Variants in KIAA1217 observed in about 807,000 individuals in gnomAD.
The protein encoded by KIAA1217 is KIAA1217, also known as sickle tail protein homolog.
KIAA1217 carries 88 observed loss-of-function variants against 163.9 expected under a neutral mutation model. The ratio of observed to expected loss-of-function variants is 0.54; its 90% CI spans 0.45 to 0.64. The LOEUF (loss-of-function observed/expected upper bound fraction) is 0.64. Ranked by LOEUF, KIAA1217 falls within the 30% of genes least tolerant of loss-of-function variation. The pLI, the probability that KIAA1217 is intolerant of heterozygous loss-of-function variation, is 0.00. For synonymous variants in KIAA1217, 903 were observed against 923.1 expected (o/e 0.98, Z 0.39); for missense variants, 2,372 against 2,475.0 (o/e 0.96, Z 0.88).
chr10:24,050,138 C>T (rs1166843640), intron 2 of KIAA1217, among the ~76,000 whole-genome samples: 6 of 152,156 alleles, frequency 3.9e-5, no homozygotes, highest in Non-Finnish European at 7.4e-5. Flanking sequence ...CCTTCGCCCA[C>T]TTTTTGATGG....
chr10:24,541,036 T>G (rs1306334217), intron 17 of KIAA1217, among the ~76,000 whole-genome samples: 2 of 152,044 alleles, frequency 1.3e-5, no homozygotes, highest in African/African-American at 4.8e-5. Context: ...CCCAAAGTTC[T>G]GGGATTACAG....
chr10:23,954,112 A>G (rs1844454365), intron 1 of KIAA1217, among the ~76,000 whole-genome samples: 1 of 152,220 alleles, frequency 6.6e-6, no homozygotes, highest in Admixed American at 6.5e-5. Context: ...TCCACTGAGC[A>G]AGAACATGGT....
chr10:23,916,823 T>G (rs1447797652), intron 1 of KIAA1217, among the ~76,000 whole-genome samples: 2 of 151,794 alleles, frequency 1.3e-5, no homozygotes, highest in African/African-American at 2.4e-5. Flanking sequence ...AATACAAAAA[T>G]TAGCTGGATG....
chr10:24,360,040 C>CTTTTTTTTTTTTTTTTTTTTTTTTTTT (rs34396312), intron 2 of KIAA1217, among the ~76,000 whole-genome samples: 1 of 94,282 alleles, frequency 1.1e-5, no homozygotes, highest in Admixed American at 1.4e-4. Context: ...GATATAATTA[C>CTTTTTTTTTTTTTTTTTTTTTTTTTTT]TTTTTTTTTT....
At position 24,219,860 on chromosome 10, in the gene KIAA1217, C is replaced by G; in HGVS notation, c.305C>G (p.Pro102Arg). 7 of 1,612,648 alleles carry G rather than the reference C, an allele frequency of 4.3e-6. No homozygotes were observed. The highest frequency in any genetic ancestry group is 5.9e-6 in the Non-Finnish European group (7 of 1,179,284). Residue 102 changes from proline (P) to arginine (R), a missense_variant, in exon 2 of 21, where the codon CCC becomes CGC. Around this residue, in one of 3 missense-constraint regions of KIAA1217, gnomAD observed 1,431 missense variants for 1,470.3 expected, o/e 0.97. Coordinates refer to ENST00000376454, the MANE Select transcript of KIAA1217 (RefSeq NM_019590.5). ...CTAGAACATCTGAAGCAGAAGTACCCCCACCACGCCTCTGCAATCATGGGT... is the reference window on the plus strand; with the variant it reads ...CTAGAACATCTGAAGCAGAAGTACCGCCACCACGCCTCTGCAATCATGGGT... ...AFLEHLKQKY[P>R]HHASAIMGHQ...
At chr10:24,462,757 C>G (rs2062543677) in intron 5 of KIAA1217, among the ~76,000 whole-genome samples, 1 of 152,142 alleles carries the variant, frequency 6.6e-6, no homozygotes, top group Non-Finnish European at 1.5e-5. Context: ...GATTTAAAAT[C>G]TCTTGTTAGA....
chr10:24,131,439 A>G (rs539241636), intron 2 of KIAA1217, among the ~76,000 whole-genome samples: 1 of 152,358 alleles, frequency 6.6e-6, no homozygotes, highest in South Asian at 2.1e-4. Flanking sequence ...TTTCACAAAA[A>G]TAGTGATTCC....
chr10:24,164,527 G>A (rs2065257780), intron 2 of KIAA1217, among the ~76,000 whole-genome samples: 1 of 152,228 alleles, frequency 6.6e-6, no homozygotes, highest in Non-Finnish European at 1.5e-5. Context: ...AGTTCTTGGT[G>A]TAGAGTGGGC....
intron 10 of KIAA1217, among the ~76,000 whole-genome samples, chr10:24,519,103 C>T (rs1429462789): frequency 6.6e-6 from 1 of 152,192 alleles, no homozygotes; most frequent in African/African-American, 2.4e-5. Flanking sequence ...AGTTTGCAGA[C>T]GACACTGTGC....
intron 1 of KIAA1217, among the ~76,000 whole-genome samples, chr10:23,803,543 C>T (rs1034410746): frequency 6.6e-6 from 1 of 152,204 alleles, no homozygotes; most frequent in African/African-American, 2.4e-5. Context: ...TCTCCCTTTG[C>T]CCTATCCTGC....
At chr10:24,136,335 GA>G (rs1691015550) in intron 2 of KIAA1217, among the ~76,000 whole-genome samples, 1 of 152,184 alleles carries the variant, frequency 6.6e-6, no homozygotes, top group Admixed American at 6.5e-5. Context: ...GATTTCTAAA[GA>G]GGAAGGGGAG....
intron 2 of KIAA1217, among the ~76,000 whole-genome samples, chr10:24,127,453 A>G (rs2063507487): frequency 6.6e-6 from 1 of 152,220 alleles, no homozygotes; most frequent in Admixed American, 6.5e-5. Context: ...TTTAAAAGTT[A>G]TAATAAAAGT....
intron 2 of KIAA1217, among the ~76,000 whole-genome samples, chr10:24,223,894 C>T (rs1418747541): frequency 7.1e-6 from 1 of 140,528 alleles, no homozygotes; most frequent in Non-Finnish European, 1.5e-5. Context: ...TTCATCATAC[C>T]CGACTGAAAA....
intron 5 of KIAA1217, among the ~76,000 whole-genome samples, chr10:24,463,274 T>C (rs2062610358): frequency 6.6e-6 from 1 of 152,212 alleles, no homozygotes; most frequent in Non-Finnish European, 1.5e-5. Flanking sequence ...CTTTAATCAC[T>C]GTTGGACCCA....
At chr10:24,367,337 A>T (rs1181702410) in intron 2 of KIAA1217, 1 of 162,516 alleles carries the variant, frequency 6.2e-6, no homozygotes, top group Non-Finnish European at 1.3e-5. Context: ...TCCCTGATTC[A>T]AAACTATCAG....
At chr10:23,975,173 G>C (rs1376877974) in intron 1 of KIAA1217, among the ~76,000 whole-genome samples, 1 of 152,148 alleles carries the variant, frequency 6.6e-6, no homozygotes, top group Non-Finnish European at 1.5e-5. Flanking sequence ...CACCATGGAA[G>C]TCACTGGCCC....
rs149996615 is a variant in KIAA1217 at position 23,695,119 on chromosome 10, C to A, written c.-436C>A. 1.1e-3 allele frequency: 162 copies of A among 152,366 alleles called. 12 individuals carry two copies. The East Asian group carries it at 0.025, about 23-fold the overall frequency. The allele number at this position is 152,366 out of a possible 1,614,324, so 9.4% of individuals were successfully genotyped here. A position where few individuals can be genotyped will look rare whatever the true frequency, so the allele number is the denominator to read the frequency against. ...CGGGAGATACCCCTTCCCCCTCTTG[C>A]GCATTTCGCAGCTGCGCTGGTGTGG... On this transcript the variant is annotated 5_prime_UTR_variant, in exon 1 of 19. Transcript: ENST00000376462. This position sits in a 1 kb window ranked among gnomAD's most constrained non-coding sequence, Gnocchi z 4.9.
chr10:24,425,319 A>C (rs116694292), intron 3 of KIAA1217, among the ~76,000 whole-genome samples: 2 of 152,092 alleles, frequency 1.3e-5, no homozygotes, highest in Non-Finnish European at 2.9e-5. Flanking sequence ...CTTAACTTGA[A>C]CCTAACGAAA....
intron 2 of KIAA1217, among the ~76,000 whole-genome samples, chr10:24,312,148 C>G (rs1461418424): frequency 6.6e-6 from 1 of 152,124 alleles, no homozygotes; most frequent in African/African-American, 2.4e-5. Flanking sequence ...CCTGCTCTCT[C>G]CCTGAGCCTT....
Sources: allele counts gnomAD v4.1 joint callset (sites outside exome capture counted in the v4.1 genomes callset), GRCh38; gene constraint gnomAD v4.1.1; regional missense constraint gnomAD v4.1.1; non-coding constraint Gnocchi (gnomAD v3.1); transcripts MANE v1.5; gene names NCBI Gene and HGNC (gene_info 2026-07-23, HGNC 2026-07-21).